The following NUP62 variants were observed in gnomAD, a reference collection of about 807,000 sequenced individuals.
NUP62 encodes the protein nucleoporin 62.
For missense variants in NUP62, 647 were observed against 689.4 expected (o/e 0.94, Z 0.69); for synonymous variants, 305 against 303.4 (o/e 1.01, Z -0.05).
chr19:49,907,198 A>G lies in NUP62; in HGVS notation c.*1041T>C, dbSNP rs571708629. 76 of 216,984 alleles carry G rather than the reference A, an allele frequency of 3.5e-4. No individual in the cohort carries two copies. Among genetic ancestry groups the G allele is most frequent in the African/African-American group, 1.8e-3 (76 of 42,078 alleles). The allele number at this position is 216,984 out of a possible 1,614,324, so 13.4% of individuals were successfully genotyped here. On this transcript the variant is annotated 3_prime_UTR_variant, in exon 3 of 3. Transcript: ENST00000352066. ...ACGAGGCACAAACGGCTAGCACAGG[A>G]TAGCATAACAAGTGCCACCCAAGGT...
At chr19:49,912,661 C>T (rs114322850) in intron 2 of NUP62, among the ~76,000 whole-genome samples, 1,757 of 152,152 alleles carry the variant, frequency 0.012, 39 homozygotes, top group African/African-American at 0.039. Flanking sequence ...CCCAGGAACT[C>T]GAGAACAGCC....
At chr19:49,912,639 G>A (rs1481507066) in intron 2 of NUP62, among the ~76,000 whole-genome samples, 4 of 152,136 alleles carry the variant, frequency 2.6e-5, no homozygotes, top group Admixed American at 1.3e-4. Flanking sequence ...TGAGGTGGGG[G>A]GATCGCTTGA....
intron 2 of NUP62, among the ~76,000 whole-genome samples, chr19:49,922,769 A>G (rs1288486407): frequency 1.3e-5 from 2 of 150,408 alleles, no homozygotes; most frequent in Non-Finnish European, 2.9e-5. Context: ...TTGCACCACC[A>G]GCGCTGCCAG....
intron 2 of NUP62, among the ~76,000 whole-genome samples, chr19:49,922,059 A>G (rs1391156859): frequency 6.6e-6 from 1 of 152,156 alleles, no homozygotes; most frequent in Non-Finnish European, 1.5e-5. Context: ...AGACAACATG[A>G]TGTCCAAACC....
At chr19:49,927,151 G>A (rs928785424) in intron 2 of NUP62, among the ~76,000 whole-genome samples, 19 of 152,192 alleles carry the variant, frequency 1.2e-4, no homozygotes, top group African/African-American at 4.6e-4. Flanking sequence ...ATGAGCCACC[G>A]TGCCTGGTCC....
At position 49,929,336 on chromosome 19, in the gene NUP62, C is replaced by G. The variant is rs1023978029; in HGVS notation, c.-210G>C. The G allele has an allele frequency of 4.5e-5, 7 of 155,012 alleles. No individual in the cohort carries two copies. The highest frequency in any genetic ancestry group is 1.7e-4 in the African/African-American group (7 of 41,616). The allele number at this position is 155,012 out of a possible 1,614,324, so 9.6% of individuals were successfully genotyped here. A position where few individuals can be genotyped will look rare whatever the true frequency, so the allele number is the denominator to read the frequency against. On this transcript the variant is annotated 5_prime_UTR_variant, in exon 1 of 3. Transcript: ENST00000352066. ...CGTCTCCGCGCTCACCACGCCTGCG[C>G]TCTCCGCTCCCACCTTCTTTCTTCA...
Position 49,921,446 on chromosome 19 carries a change from C to T in NUP62, c.-78+6248G>A, listed in dbSNP as rs1183162982. ...CCATCTCCATGACCTTCCAGACCAG[C>T]CTGGGCTTCACTCTCAAATCCAATT... On this transcript the variant is annotated intron_variant, in intron 2 of 2. Transcript: ENST00000352066. The surrounding 1 kb of genome is among the most constrained non-coding windows in gnomAD (Gnocchi z 5.4). Among the ~76,000 whole-genome samples, 4 of 152,176 alleles carry T rather than the reference C, an allele frequency of 2.6e-5. No homozygotes were observed. Among genetic ancestry groups the T allele is most frequent in the African/African-American group, 9.7e-5 (4 of 41,436 alleles).
rs553963632 is a variant in NUP62 at position 49,921,229 on chromosome 19, G to A, written c.-78+6465C>T. 1.3e-5 allele frequency among the ~76,000 whole-genome samples: 2 copies of A among 152,248 alleles called. No individual in the cohort carries two copies. The highest frequency in any genetic ancestry group is 3.9e-4 in the East Asian group (2 of 5,176). On this transcript the variant is annotated intron_variant, in intron 2 of 2. Transcript: ENST00000352066. This position sits in a 1 kb window ranked among gnomAD's most constrained non-coding sequence, Gnocchi z 5.4. ...TATAAATGAGCAAACTGAGAAAGGG[G>A]AGAGGACTTCAGTCACCTGCGTAAA...
chr19:49,928,188 G>A (rs2122798109), intron 1 of NUP62: 1 of 152,364 alleles, frequency 6.6e-6, no homozygotes, highest in African/African-American at 2.4e-5. Context: ...AAGTGGTAAG[G>A]AAGAAATGAG....
At position 49,908,532 on chromosome 19, in the gene NUP62, C is replaced by T. The variant is rs149033608; in HGVS notation, c.1276G>A (p.Ala426Thr). ...EQSGTIYLQH[A>T]DEEREKTYKL... ...TAGGTTTTCTCACGCTCCTCATCCG[C>T]GTGCTGCAGGTAGATGGTCCCGCTC... Residue 426 changes from alanine (A) to threonine (T), a missense_variant, in exon 3 of 3, where the codon GCG becomes ACG. Coordinates refer to ENST00000352066, the MANE Select transcript of NUP62 (RefSeq NM_016553.5). 6 of 1,614,076 alleles carry T rather than the reference C, an allele frequency of 3.7e-6. No homozygotes were observed. The highest frequency in any genetic ancestry group is 1.7e-5 in the Admixed American group (1 of 60,000).
At chr19:49,917,050 G>T (rs1304591208) in intron 2 of NUP62, among the ~76,000 whole-genome samples, 1 of 152,256 alleles carries the variant, frequency 6.6e-6, no homozygotes, top group Non-Finnish European at 1.5e-5. Flanking sequence ...CTGTCTCCGT[G>T]GGACCTCCCC....
At chr19:49,920,074 C>T (rs1400713655) in intron 2 of NUP62, among the ~76,000 whole-genome samples, 1 of 152,118 alleles carries the variant, frequency 6.6e-6, no homozygotes, top group Non-Finnish European at 1.5e-5. Flanking sequence ...CACATGTGTG[C>T]CACCACACCA....
chr19:49,909,906 T>C (rs2075419985), intron 2 of NUP62, 22 bp from the exon 3 acceptor site: 7 of 1,340,468 alleles, frequency 5.2e-6, no homozygotes, highest in South Asian at 2.4e-5. Flanking sequence ...GAAGTGACAT[T>C]GTCAGATGGC....
intron 2 of NUP62, among the ~76,000 whole-genome samples, chr19:49,923,711 C>T (rs2075817301): frequency 6.6e-6 from 1 of 152,282 alleles, no homozygotes; most frequent in South Asian, 2.1e-4. Flanking sequence ...CTCAAAACCA[C>T]CGTCTGCAAT....
chr19:49,917,004 C>T lies in NUP62; in HGVS notation c.-77-7120G>A, dbSNP rs77414048. On this transcript the variant is annotated intron_variant, in intron 2 of 2. Transcript: ENST00000352066. ...AGCCACCTGGTGGCACTGCTGACAA[C>T]GCAGAGCCCAGATGCAAGACGGACA... 7.2e-3 allele frequency among the ~76,000 whole-genome samples: 1,099 copies of T among 152,376 alleles called. 5 individuals are homozygous for T. The highest frequency in any genetic ancestry group is 0.02 in the African/African-American group (848 of 41,588).
Position 49,909,001 on chromosome 19 carries a change from T to C in NUP62, c.807A>G (p.Thr269=). 1 of 1,611,760 alleles carries C rather than the reference T, an allele frequency of 6.2e-7. No individual in the cohort carries two copies. The highest frequency in any genetic ancestry group is 1.1e-5 in the South Asian group (1 of 91,020). Residue 269 remains threonine (T), a synonymous_variant, in exon 3 of 3, where the codon ACA becomes ACG. Coordinates refer to ENST00000352066, the MANE Select transcript of NUP62 (RefSeq NM_016553.5). The part of the protein sequence containing the change: ...KAPGAASGTS[T]TTSTAATATA... ...TGGCGGTGGCAGCGGTGGATGTTGT[T>C]GTGGAGGTGCCGGAAGCTGCTCCAG...
At chr19:49,918,346 C>T (rs1446736011) in intron 2 of NUP62, among the ~76,000 whole-genome samples, 2 of 152,222 alleles carry the variant, frequency 1.3e-5, no homozygotes, top group East Asian at 1.9e-4. Context: ...ATTACAGGCA[C>T]GAGCCACCAC....
chr19:49,920,902 C>T (rs1156541377), intron 2 of NUP62, among the ~76,000 whole-genome samples: 1 of 152,248 alleles, frequency 6.6e-6, no homozygotes, highest in Admixed American at 6.5e-5. Flanking sequence ...TCAGCTTCCC[C>T]GGGGAGAGGC....
At chr19:49,925,490 A>C (rs1183116194) in intron 2 of NUP62, among the ~76,000 whole-genome samples, 1 of 151,928 alleles carries the variant, frequency 6.6e-6, no homozygotes, top group Non-Finnish European at 1.5e-5. Flanking sequence ...CCATCCTCTC[A>C]ATATCCCGCA....
Sources: gnomAD v4.1 joint callset for allele counts (sites outside exome capture counted in the v4.1 genomes callset) on GRCh38, gnomAD v4.1.1 for gene constraint, Gnocchi (gnomAD v3.1) non-coding constraint, MANE v1.5 for transcripts, NCBI Gene and HGNC (gene_info 2026-07-23, HGNC 2026-07-21) for gene names.